The following ASB3 variants were observed in gnomAD, a reference collection of about 807,000 sequenced individuals.
ASB3 encodes ankyrin repeat and SOCS box protein 3.
Under a neutral mutation model 54.5 loss-of-function variants are expected in ASB3, and 41 were observed. The ratio of observed to expected loss-of-function variants is 0.75; its 90% CI spans 0.59 to 0.98. ASB3 has a LOEUF of 0.98. ASB3 is among the 50% of genes least tolerant of loss of function. ASB3 has a pLI of 0.00. For synonymous variants in ASB3, 266 were observed against 221.2 expected, an observed-to-expected ratio of 1.20 and a Z score of -1.80; for missense variants, 733 against 620.0, an observed-to-expected ratio of 1.18 and a Z score of -1.94.
At chr2:53,693,639 A>C (rs890678056) in intron 9 of ASB3, among the ~76,000 whole-genome samples, 13 of 152,188 alleles carry the variant, frequency 8.5e-5, no homozygotes, top group Admixed American at 5.9e-4. Context: ...TAAAATTAAA[A>C]TATCAGTAAA....
chr2:53,751,798 T>C (rs1237018068), intron 2 of ASB3, among the ~76,000 whole-genome samples: 2 of 152,198 alleles, frequency 1.3e-5, no homozygotes, highest in Non-Finnish European at 2.9e-5. Flanking sequence ...GATTAAGCCA[T>C]GATATCCCAG....
chr2:53,686,065 G>A (rs975564541), intron 9 of ASB3, among the ~76,000 whole-genome samples: 8 of 152,320 alleles, frequency 5.3e-5, no homozygotes, highest in African/African-American at 1.9e-4. Flanking sequence ...CCTTTTTAAA[G>A]CCGCGTTATT....
intron 3 of ASB3, among the ~76,000 whole-genome samples, chr2:53,737,573 A>G (rs921063314): frequency 6.6e-6 from 1 of 152,158 alleles, no homozygotes; most frequent in Non-Finnish European, 1.5e-5. Flanking sequence ...CTGAGGGGCC[A>G]TGGAACTCCT....
chr2:53,781,464 T>C (rs911469968), intron 1 of ASB3, among the ~76,000 whole-genome samples: 2 of 151,890 alleles, frequency 1.3e-5, no homozygotes, highest in Non-Finnish European at 2.9e-5. Context: ...TGTACCTCCA[T>C]TGGTAGGGCT....
rs369116598 is a variant in ASB3 at position 53,670,546 on chromosome 2, C to G, written c.1514G>C (p.Arg505Thr). 1 of 1,613,734 alleles carries G rather than the reference C, an allele frequency of 6.2e-7. No individual in the cohort carries two copies. Among genetic ancestry groups the G allele is most frequent in the Non-Finnish European group, 8.5e-7 (1 of 1,179,978 alleles). The change falls in exon 10 of 10, where the codon AGG becomes ACG. Residue 505 changes from arginine (R) to threonine (T), a missense_variant. By Grantham distance (71) the Arg-to-Thr change is moderately conservative. Transcript: ENST00000263634. ...TGCCAGTTCTGGAACTTCATACATC[C>G]TCAGAACGTCTTCATAGAGCAAATA... ...HNYLLYEDVL[R>T]MYEVPELAAI...
intron 1 of ASB3, among the ~76,000 whole-genome samples, chr2:53,775,544 C>T (rs1192544745): frequency 6.6e-6 from 1 of 152,168 alleles, no homozygotes; most frequent in Non-Finnish European, 1.5e-5. Context: ...GTGCCAACCT[C>T]AGCTCACTGC....
At chr2:53,681,859 T>C (rs971266589) in intron 9 of ASB3, among the ~76,000 whole-genome samples, 10 of 152,136 alleles carry the variant, frequency 6.6e-5, no homozygotes, top group African/African-American at 2.4e-4. Context: ...TGTGGGTCCA[T>C]ATAAATTTTA....
intron 7 of ASB3, among the ~76,000 whole-genome samples, chr2:53,713,711 A>G (rs1471424300): frequency 1.3e-5 from 2 of 152,128 alleles, no homozygotes; most frequent in African/African-American, 4.8e-5. Context: ...CCAGGAGTTC[A>G]AGACCAGCCT....
intron 1 of ASB3, chr2:53,774,529 A>C (rs200272113): frequency 1.1e-5 from 17 of 1,522,666 alleles, no homozygotes; most frequent in Non-Finnish European, 1.4e-5. Context: ...CATATAATTT[A>C]GTCTTCAGAG....
rs374155555 is a variant in ASB3 at position 53,726,193 on chromosome 2, C to T, written c.604+2519G>A. Among the ~76,000 whole-genome samples the T allele has an allele frequency of 3.3e-5, 5 of 150,706 alleles. No individual in the cohort carries two copies. In the East Asian group the frequency reaches 5.8e-4, roughly 18 times the overall value. The stretch of plus-strand genomic sequence containing the variant: ...CAAAACAGGAGCTCAGAGCTCCAGG[C>T]GACAAGAAAACACACCTGACATGAG... On this transcript the variant is annotated intron_variant, in intron 5 of 9. Transcript: ENST00000263634.
intron 7 of ASB3, among the ~76,000 whole-genome samples, chr2:53,712,742 T>A (rs960722301): frequency 6.7e-6 from 1 of 149,244 alleles, no homozygotes; most frequent in Admixed American, 6.7e-5. Context: ...CATCATCATA[T>A]TGAACACACA....
intron 3 of ASB3, among the ~76,000 whole-genome samples, chr2:53,742,413 T>A (rs953144898): frequency 3.3e-5 from 5 of 151,916 alleles, no homozygotes; most frequent in African/African-American, 1.2e-4. Flanking sequence ...GGAAGAAAAG[T>A]TATAGAAAAA....
chr2:53,755,760 C>T (rs1348819048), intron 2 of ASB3, among the ~76,000 whole-genome samples: 1 of 152,120 alleles, frequency 6.6e-6, no homozygotes, highest in East Asian at 1.9e-4. Flanking sequence ...AAAGGCATTA[C>T]AAAGAAAGTA....
intron 2 of ASB3, among the ~76,000 whole-genome samples, chr2:53,760,939 T>C (rs573463188): frequency 6.6e-6 from 1 of 152,308 alleles, no homozygotes; most frequent in East Asian, 1.9e-4. Context: ...TGGAACAGCC[T>C]GCTAGCCCAT....
At chr2:53,687,971 C>T (rs533043679) in intron 9 of ASB3, among the ~76,000 whole-genome samples, 1 of 152,250 alleles carries the variant, frequency 6.6e-6, no homozygotes, top group East Asian at 1.9e-4. Context: ...TCATTCACCA[C>T]CATGTCTGGC....
chr2:53,770,150 G>C (rs1342734232), intron 1 of ASB3, among the ~76,000 whole-genome samples: 2 of 151,980 alleles, frequency 1.3e-5, no homozygotes, highest in Non-Finnish European at 2.9e-5. Context: ...AAGAAAACAA[G>C]TCAGAAATCT....
chr2:53,714,297 A>C (rs557231822), intron 7 of ASB3, 87 bp downstream of exon 7: 1 of 1,490,874 alleles, frequency 6.7e-7, no homozygotes, highest in South Asian at 1.3e-5. Context: ...AGAGATACTA[A>C]GTTTCATCGT....
At chr2:53,714,312 G>A (rs1670268867) in intron 7 of ASB3, 72 bp downstream of exon 7, 1 of 1,541,740 alleles carries the variant, frequency 6.5e-7, no homozygotes, top group Admixed American at 2.1e-5. Flanking sequence ...CATCGTGAAA[G>A]AAAGTCACTT....
At chr2:53,786,126 G>A (rs1674976178) in intron 1 of ASB3, among the ~76,000 whole-genome samples, 2 of 152,150 alleles carry the variant, frequency 1.3e-5, no homozygotes, top group Non-Finnish European at 2.9e-5. Flanking sequence ...AACACTCTAT[G>A]TCCATTATAT....
Sources: allele counts gnomAD v4.1 joint callset (sites outside exome capture counted in the v4.1 genomes callset), GRCh38; gene constraint gnomAD v4.1.1; transcripts MANE v1.5; gene names NCBI Gene and HGNC (gene_info 2026-07-23, HGNC 2026-07-21).